DOCK1: variants seen among roughly 807,000 people sequenced by gnomAD.
DOCK1 encodes dedicator of cytokinesis 1.
Under a neutral mutation model 262.7 loss-of-function variants are expected in DOCK1, and 138 were observed. The ratio of observed to expected loss-of-function variants is 0.53; its 90% CI spans 0.46 to 0.61. The LOEUF is 0.61. Among genes scored for constraint, DOCK1 ranks in the 20% least tolerant of loss-of-function variants. The pLI is 0.00. For synonymous variants in DOCK1, 866 were observed against 867.4 expected (o/e 1.00, Z 0.03); for missense variants, 1,908 against 2,370.7 (o/e 0.80, Z 4.05).
At chr10:127,239,094 C>T (rs564628588) in intron 27 of DOCK1, among the ~76,000 whole-genome samples, 4 of 152,292 alleles carry the variant, frequency 2.6e-5, no homozygotes, top group African/African-American at 9.6e-5. Context: ...CAGAATTCCT[C>T]GTGGGTTCCC....
intron 29 of DOCK1, among the ~76,000 whole-genome samples, chr10:127,287,999 C>T (rs1279213050): frequency 6.6e-6 from 1 of 152,206 alleles, no homozygotes; most frequent in East Asian, 1.9e-4. Flanking sequence ...ATAGATGGTA[C>T]CCTGAGAGTG....
chr10:127,428,644 G>A (rs574993897), intron 47 of DOCK1, among the ~76,000 whole-genome samples: 57 of 150,280 alleles, frequency 3.8e-4, no homozygotes, highest in South Asian at 2.6e-3. Flanking sequence ...GTGGATTGGA[G>A]TGCCGTGTGG....
At chr10:127,111,327 GTTC>G (rs1028382163) in intron 25 of DOCK1, among the ~76,000 whole-genome samples, 1 of 152,152 alleles carries the variant, frequency 6.6e-6, no homozygotes, top group Non-Finnish European at 1.5e-5. Context: ...AGGTGAGAGT[GTTC>G]TTCTCTAGAA....
At chr10:127,305,008 C>CG (rs2061823244) in intron 29 of DOCK1, among the ~76,000 whole-genome samples, 2 of 152,182 alleles carry the variant, frequency 1.3e-5, no homozygotes, top group Admixed American at 1.3e-4. Flanking sequence ...CGTGGTTCCA[C>CG]TGATGAGCTT....
intron 27 of DOCK1, among the ~76,000 whole-genome samples, chr10:127,200,190 C>A (rs1229900166): frequency 6.6e-6 from 1 of 152,050 alleles, no homozygotes; most frequent in Non-Finnish European, 1.5e-5. Context: ...GAACACAGGG[C>A]GAGTCCACTG....
At chr10:127,243,441 A>C (rs1250827393) in intron 27 of DOCK1, among the ~76,000 whole-genome samples, 1 of 151,942 alleles carries the variant, frequency 6.6e-6, no homozygotes, top group African/African-American at 2.4e-5. Context: ...CCTTCTACTG[A>C]GACTCACTTC....
At chr10:126,950,542 T>A (rs2134386418) in intron 1 of DOCK1, among the ~76,000 whole-genome samples, 1 of 152,230 alleles carries the variant, frequency 6.6e-6, no homozygotes, top group Non-Finnish European at 1.5e-5. Context: ...TCACTGTCCC[T>A]TTGAAGCAAA....
At chr10:127,184,083 T>A (rs2055990350) in intron 27 of DOCK1, among the ~76,000 whole-genome samples, 1 of 152,146 alleles carries the variant, frequency 6.6e-6, no homozygotes, top group African/African-American at 2.4e-5. Context: ...TGGGAAGCAG[T>A]CTGACATGAT....
At chr10:127,078,232 C>T (rs901173762) in intron 23 of DOCK1, among the ~76,000 whole-genome samples, 3 of 151,960 alleles carry the variant, frequency 2.0e-5, no homozygotes, top group Non-Finnish European at 4.4e-5. Context: ...ATGTAAATAA[C>T]CTGAGTTCTT....
At chr10:127,042,044 G>C (rs939912892) in intron 19 of DOCK1, among the ~76,000 whole-genome samples, 19 of 152,160 alleles carry the variant, frequency 1.2e-4, no homozygotes, top group African/African-American at 4.6e-4. Flanking sequence ...CTTTGCAGTA[G>C]TATTTATTTG....
chr10:127,044,775 TG>T (rs1454524172), intron 21 of DOCK1, among the ~76,000 whole-genome samples: 1 of 152,166 alleles, frequency 6.6e-6, no homozygotes. Context: ...GCTGTGCTGT[TG>T]GGGAAGGAGT....
intron 1 of DOCK1, among the ~76,000 whole-genome samples, chr10:126,967,712 C>T (rs1358087083): frequency 6.6e-6 from 1 of 152,180 alleles, no homozygotes; most frequent in Non-Finnish European, 1.5e-5. Flanking sequence ...ACCTCCTCTG[C>T]TTCTGACTCT....
intron 33 of DOCK1, among the ~76,000 whole-genome samples, chr10:127,362,834 CATACACACACACACACACAT>C (rs1565026363): frequency 1.1e-5 from 1 of 87,674 alleles, no homozygotes; most frequent in African/African-American, 5.4e-5. Flanking sequence ...CACACCCACA[CATACACACACACACACACAT>C]GTACATCCCC....
Position 127,176,541 on chromosome 10 carries a change from G to T in DOCK1, c.2847+48777G>T, listed in dbSNP as rs1024033466. On this transcript the variant is annotated intron_variant, in intron 27 of 51. Transcript: ENST00000623213. This position sits in a 1 kb window ranked among gnomAD's most constrained non-coding sequence, Gnocchi z 4.4. ...AGGTGAGGTCGGCCTTTATGTTAAG[G>T]AAAATCACACGGGCTGAGAGTCGCT... 1.5e-6 allele frequency: 1 copy of T among 674,246 alleles called. No homozygotes were observed. The highest frequency in any genetic ancestry group is 2.5e-6 in the Non-Finnish European group (1 of 405,310). 41.8% of individuals were successfully genotyped at this position (674,246 alleles called of 1,614,324 possible).
At chr10:127,016,755 A>T (rs2041931311) in intron 12 of DOCK1, among the ~76,000 whole-genome samples, 1 of 150,870 alleles carries the variant, frequency 6.6e-6, no homozygotes, top group African/African-American at 2.4e-5. Flanking sequence ...ACACTAACAC[A>T]GATATAAACA....
rs1392704743 is a variant in DOCK1 at position 126,987,631 on chromosome 10, A to C, written c.324+14A>C. The C allele has an allele frequency of 6.5e-7, 1 of 1,546,066 alleles. No individual in the cohort carries two copies. The stretch of plus-strand genomic sequence containing the variant: ...CAGCTCTACGTGGTGAGAAAATGAG[A>C]TATTCATTCAAAGCTTAGAAATAGA... On this transcript the variant is annotated intron_variant, in intron 5 of 51. Transcript: ENST00000623213.
rs1591642232 is a variant in DOCK1, at chr10:127,012,454, G to C, written c.1201+80G>C. 1.6e-6 allele frequency: 2 copies of C among 1,257,994 alleles called. No individual in the cohort carries two copies. Among genetic ancestry groups the C allele is most frequent in the Middle Eastern group, 1.9e-4 (1 of 5,260 alleles). The allele number at this position is 1,257,994 out of a possible 1,614,324, so 77.9% of individuals were successfully genotyped here. A position where few individuals can be genotyped will look rare whatever the true frequency, so the allele number is the denominator to read the frequency against. On this transcript the variant is annotated intron_variant, in intron 12 of 51. Coordinates refer to ENST00000623213, the MANE Select transcript of DOCK1 (RefSeq NM_001290223.2). The surrounding 1 kb of genome is among the most constrained non-coding windows in gnomAD (Gnocchi z 4.0). Reference sequence around the variant, plus strand: ...GTGCTGTCTGGGTTGGTTTTAGTTTGATGTTGATCATGATGGTGGTGATAA... The same window carrying C: ...GTGCTGTCTGGGTTGGTTTTAGTTTCATGTTGATCATGATGGTGGTGATAA...
Position 127,212,878 on chromosome 10 carries a change from C to CT in DOCK1, c.2848-35126dup, listed in dbSNP as rs556169205. 1.6e-4 allele frequency among the ~76,000 whole-genome samples: 24 copies of CT among 150,374 alleles called. No individual in the cohort carries two copies. The East Asian group carries it at 3.9e-3, about 24-fold the overall frequency. On this transcript the variant is annotated intron_variant, in intron 27 of 51. Coordinates refer to ENST00000623213, the MANE Select transcript of DOCK1 (RefSeq NM_001290223.2). ...GCGTCTCTTCTGTGATGATTTCTTG[C>CT]TTTTCAATTCACGTTTGGAAAAATG...
chr10:127,015,145 A>G (rs1392937209), intron 12 of DOCK1: 1 of 151,470 alleles, frequency 6.6e-6, no homozygotes, highest in East Asian at 1.9e-4. Flanking sequence ...TCTCCCTCCC[A>G]TGATCTGGAA....
Sources: allele counts gnomAD v4.1 joint callset (sites outside exome capture counted in the v4.1 genomes callset), GRCh38; gene constraint gnomAD v4.1.1; non-coding constraint Gnocchi (gnomAD v3.1); transcripts MANE v1.5; gene names NCBI Gene and HGNC (gene_info 2026-07-23, HGNC 2026-07-21).